The following GEMIN4 variants were observed in gnomAD, a reference collection of about 807,000 sequenced individuals.
The protein encoded by GEMIN4 is gem-associated protein 4.
GEMIN4 carries 59 observed loss-of-function variants against 76.8 expected under a neutral mutation model. The observed-to-expected ratio is 0.77, with a 90% CI of 0.62 to 0.95. The LOEUF is 0.95. Among genes scored for constraint, GEMIN4 ranks in the 40% least tolerant of loss-of-function variants. GEMIN4 has a pLI of 0.00. For synonymous variants in GEMIN4, 562 were observed against 559.7 expected (o/e 1.00, Z -0.06); for missense variants, 1,311 against 1,318.9 (o/e 0.99, Z 0.09).
In GEMIN4 at chr17:745,520, G is replaced by A. The variant is rs1423598135; in HGVS notation, c.2523C>T (p.Gly841=). ...TGAACAGTCTGACCTCCTCAGGATT[G>A]CCCACGTCCACCACCAAGAGAGACA... ...RMLSLLVVDV[G]NPEEVRLFSK... is the part of the protein sequence containing the mutation. The change falls in exon 2 of 2, where the codon GGC becomes GGT. Residue 841 remains glycine, a synonymous_variant. Coordinates refer to ENST00000319004, the MANE Select transcript of GEMIN4 (RefSeq NM_015721.3). The surrounding 1 kb of genome is among the most constrained non-coding windows in gnomAD (Gnocchi z 4.6). 1 of 1,611,898 alleles carries A rather than the reference G, an allele frequency of 6.2e-7. No individual in the cohort carries two copies. Among genetic ancestry groups the A allele is most frequent in the Admixed American group, 1.7e-5 (1 of 59,982 alleles).
rs902318115 is a variant in GEMIN4, at chr17:745,390, G to A, written c.2653C>T (p.Leu885Phe). ...TATTCCAGGCTATAAGGGACATGGAGGAGCTGCTTCTCCAGCAGTCTCCTG... is the reference window on the plus strand; with the variant it reads ...TATTCCAGGCTATAAGGGACATGGAAGAGCTGCTTCTCCAGCAGTCTCCTG... ...LTRRLLEKQL[L>F]HVPYSLEYIQ... The change falls in exon 2 of 2, where the codon CTC becomes TTC. Residue 885 changes from leucine (L) to phenylalanine (F), a missense_variant. Coordinates refer to ENST00000319004, the MANE Select transcript of GEMIN4 (RefSeq NM_015721.3). The surrounding 1 kb of genome is among the most constrained non-coding windows in gnomAD (Gnocchi z 4.6). 25 of 1,613,190 alleles carry A rather than the reference G, an allele frequency of 1.5e-5. No individual in the cohort carries two copies. Among genetic ancestry groups the A allele is most frequent in the Non-Finnish European group, 2.1e-5 (25 of 1,179,880 alleles).
At chr17:752,915 C>T (rs982056047), upstream of GEMIN4, 1 of 153,710 alleles carries the variant, frequency 6.5e-6, no homozygotes, top group East Asian at 1.9e-4. Context: ...CTGCGCGGCC[C>T]TCAAGCAGCT....
In GEMIN4 at chr17:744,792, T is replaced by C; in HGVS notation, c.*74A>G. ...CCTGCCATGTTGAAGCCCAGCTTTT[T>C]CGCTCCCGCACAGGTAAGAAGCTGC... On this transcript the variant is annotated 3_prime_UTR_variant, in exon 2 of 2. Coordinates refer to ENST00000319004, the MANE Select transcript of GEMIN4 (RefSeq NM_015721.3). 3 of 1,474,210 alleles carry C rather than the reference T, an allele frequency of 2.0e-6. No homozygotes were observed. The highest frequency in any genetic ancestry group is 1.4e-5 in the African/African-American group (1 of 71,370). The allele number at this position is 1,474,210 out of a possible 1,614,324, so 91.3% of individuals were successfully genotyped here.
chr17:744,867 C>A lies in GEMIN4; in HGVS notation c.3176G>T (p.Ter1059LeuextTer75), dbSNP rs766072309. 3 of 1,607,166 alleles carry A rather than the reference C, an allele frequency of 1.9e-6. No individual in the cohort carries two copies. In the South Asian group the frequency reaches 3.3e-5, roughly 18 times the overall value. Residue 1059 changes from the stop codon to leucine (L), a stop_lost, in exon 2 of 2, where the codon TGA becomes TTA. Coordinates refer to ENST00000319004, the MANE Select transcript of GEMIN4 (RefSeq NM_015721.3). ...TGGGGCCCAGCTCCCCACGCCAAGTCAGAAGCTGCTCATCTTCTGCAACAG... is the reference window on the plus strand; with the variant it reads ...TGGGGCCCAGCTCCCCACGCCAAGTAAGAAGCTGCTCATCTTCTGCAACAG... ...QTLLQKMSSF[*>L] is the part of the protein sequence containing the mutation.
At position 746,908 on chromosome 17, in the gene GEMIN4, G is replaced by A. The variant is rs763833922; in HGVS notation, c.1135C>T (p.Leu379=). 3.1e-6 allele frequency: 5 copies of A among 1,613,610 alleles called. No individual in the cohort carries two copies. In the East Asian group the frequency reaches 8.9e-5, roughly 29 times the overall value. ...AGGAAGTCCCTGACACACTCCGCCA[G>A]CTCAGAGACCACCTGCCTGTCCTCC... is the stretch of plus-strand genomic sequence containing the variant. ...SKEDRQVVSE[L]AECVRDFLRK... is the part of the protein sequence containing the mutation. The change falls in exon 2 of 2, where the codon CTG becomes TTG. Residue 379 remains leucine (L), a synonymous_variant. Coordinates refer to ENST00000319004, the MANE Select transcript of GEMIN4 (RefSeq NM_015721.3). The surrounding 1 kb of genome is among the most constrained non-coding windows in gnomAD (Gnocchi z 4.3).
Position 746,533 on chromosome 17 carries a change from G to A in GEMIN4, c.1510C>T (p.Arg504Cys), listed in dbSNP as rs1220134680. Residue 504 changes from arginine to cysteine, a missense_variant, in exon 2 of 2, where the codon CGT (arginine) becomes TGT (cysteine). Coordinates refer to ENST00000319004, the MANE Select transcript of GEMIN4 (RefSeq NM_015721.3). This position sits in a 1 kb window ranked among gnomAD's most constrained non-coding sequence, Gnocchi z 4.3. Reference sequence around the variant, plus strand: ...GAGAGGCCCTTTCGCCCCCAGGAACGCAGGATACCTGCAAGGACTTTATTT... The same window carrying A: ...GAGAGGCCCTTTCGCCCCCAGGAACACAGGATACCTGCAAGGACTTTATTT... ...GKNKVLAGIL[R>C]SWGRKGLSEK... 8 of 1,613,790 alleles carry A rather than the reference G, an allele frequency of 5.0e-6. No individual in the cohort carries two copies. The African/African-American group carries it at 5.3e-5, about 11-fold the overall frequency.
chr17:750,872 C>T (rs542661110), intron 1 of GEMIN4, among the ~76,000 whole-genome samples: 3 of 152,306 alleles, frequency 2.0e-5, no homozygotes, highest in South Asian at 2.1e-4. Context: ...GGTTACGCTG[C>T]GAAGGGGACC....
chr17:747,185 CT>C lies in GEMIN4; in HGVS notation c.857del (p.Gln286ArgfsTer8), dbSNP rs1974462214. 2 of 1,613,700 alleles carry C rather than the reference CT, an allele frequency of 1.2e-6. No individual in the cohort carries two copies. Among genetic ancestry groups the C allele is most frequent in the African/African-American group, 2.7e-5 (2 of 74,912 alleles). On this transcript the variant is annotated frameshift_variant, in exon 2 of 2. Transcript: ENST00000319004. LOFTEE classifies it high-confidence loss of function. The part of the protein sequence containing the change: ...WNSDTQNPYH[Q>X]QALAEKVKEA... ...CCTTCACCTTCTCTGCCAGCGCCTG[CT>C]GGTGGTAGGGATTCTGGGTGTCCGA...
rs1412410957 is a variant in GEMIN4 at position 746,374 on chromosome 17, G to C, written c.1669C>G (p.Pro557Ala). 6.2e-7 allele frequency: 1 copy of C among 1,613,798 alleles called. No homozygotes were observed. The highest frequency in any genetic ancestry group is 8.5e-7 in the Non-Finnish European group (1 of 1,179,872). The change falls in exon 2 of 2, where the codon CCG becomes GCG. Residue 557 changes from proline to alanine, a missense_variant. Transcript: ENST00000319004. This position sits in a 1 kb window ranked among gnomAD's most constrained non-coding sequence, Gnocchi z 4.3. ...CACATTTTCTTCACCGTGACTTCCG[G>C]GTGCACTATGACCAGGCGGGCCACG... ...ASVARLVIVH[P>A]EVTVKKMCSL...
rs188821606 is a variant in GEMIN4, at chr17:745,846, G to A, written c.2197C>T (p.Leu733=). 205 of 1,612,998 alleles carry A rather than the reference G, an allele frequency of 1.3e-4. No individual in the cohort carries two copies. In the African/African-American group the frequency reaches 2.4e-3, roughly 19 times the overall value. The change falls in exon 2 of 2, where the codon CTG becomes TTG. Residue 733 remains leucine, a synonymous_variant. Transcript: ENST00000319004. The surrounding 1 kb of genome is among the most constrained non-coding windows in gnomAD (Gnocchi z 4.6). Reference sequence around the variant, plus strand: ...GATACAATCTCACACAGGAGCTCCAGGATATGGATCGCTAGATCCTTCCTA... The same window carrying A: ...GATACAATCTCACACAGGAGCTCCAAGATATGGATCGCTAGATCCTTCCTA... The part of the protein sequence containing the change: ...LDRKDLAIHI[L]ELLCEIVSAN...
chr17:751,082 G>A (rs1904658167), intron 1 of GEMIN4, among the ~76,000 whole-genome samples: 1 of 152,156 alleles, frequency 6.6e-6, no homozygotes, highest in South Asian at 2.1e-4. Context: ...TTACTAGCTG[G>A]AAAATACTCC....
rs373103325 is a variant in GEMIN4, at chr17:748,039, A to G, written c.11-7T>C. ...TCACAGATGTTCAAGGGTCCTGCAC[A>G]CAGACAAGCCAAATAAGACAGTATA... On this transcript the variant is annotated splice_polypyrimidine_tract_variant and splice_region_variant and intron_variant, in intron 1 of 1. Coordinates refer to ENST00000319004, the MANE Select transcript of GEMIN4 (RefSeq NM_015721.3). The G allele has an allele frequency of 8.2e-6, 13 of 1,588,000 alleles. No homozygotes were observed. Among genetic ancestry groups the G allele is most frequent in the Non-Finnish European group, 9.4e-6 (11 of 1,167,310 alleles).
chr17:748,624 C>T (rs1904418826), intron 1 of GEMIN4: 1 of 214,020 alleles, frequency 4.7e-6, no homozygotes, highest in Non-Finnish European at 9.5e-6. Flanking sequence ...AGCTGAGCTT[C>T]TCATGACAGA....
In GEMIN4 at chr17:747,088, A is replaced by G; in HGVS notation, c.955T>C (p.Phe319Leu). ...CACTCCCGCAGCAGGTGGTGCAGGA[A>G]CTCGCAGCCCACGAAAATGGTCTCA... ...PSETIFVGCE[F>L]LHHLLREWGE... Residue 319 changes from phenylalanine to leucine, a missense_variant, in exon 2 of 2, where the codon TTC (phenylalanine) becomes CTC (leucine). Transcript: ENST00000319004. 6.2e-7 allele frequency: 1 copy of G among 1,613,524 alleles called. No homozygotes were observed. The highest frequency in any genetic ancestry group is 8.5e-7 in the Non-Finnish European group (1 of 1,179,826).
upstream of GEMIN4, among the ~76,000 whole-genome samples, chr17:752,440 G>A (rs1239650904): frequency 6.6e-6 from 1 of 152,104 alleles, no homozygotes; most frequent in Non-Finnish European, 1.5e-5. Context: ...CCTCTTCCGG[G>A]GTCCCAGCGG....
In GEMIN4 at chr17:747,423, G is replaced by A. The variant is rs535935731; in HGVS notation, c.620C>T (p.Pro207Leu). The A allele has an allele frequency of 6.2e-7, 1 of 1,613,858 alleles. No homozygotes were observed. Among genetic ancestry groups the A allele is most frequent in the East Asian group, 2.2e-5 (1 of 44,866 alleles). Residue 207 changes from proline (P) to leucine (L), a missense_variant, in exon 2 of 2, where the codon CCA becomes CTA. Pro to Leu is a moderately conservative substitution (Grantham distance 98). Around this residue, in one of 2 missense-constraint regions of GEMIN4, gnomAD observed 1,208 missense variants for 1,166.9 expected, o/e 1.04. Transcript: ENST00000319004. ...PHPPKRLRSDPDACPTMPLLA... is the reference protein window; with the variant it reads ...PHPPKRLRSDLDACPTMPLLA... ...CAGGGGCATGGTGGGGCACGCGTCTGGGTCTGACCTAAGCCTCTTTGGAGG... is the reference window on the plus strand; with the variant it reads ...CAGGGGCATGGTGGGGCACGCGTCTAGGTCTGACCTAAGCCTCTTTGGAGG...
rs1974371901 is a variant in GEMIN4 at position 745,687 on chromosome 17, C to A, written c.2356G>T (p.Val786Leu). The change falls in exon 2 of 2, where the codon GTG becomes TTG. Residue 786 changes from valine to leucine, a missense_variant. Val to Leu is a conservative substitution (Grantham distance 32). Transcript: ENST00000319004. This position sits in a 1 kb window ranked among gnomAD's most constrained non-coding sequence, Gnocchi z 4.6. ...SFFEGHFKCE[V>L]PATLFEICKL... ...CAGATCTCAAAAAGTGTGGCTGGCACTTCACACTTGAAGTGCCCCTCGAAG... is the reference window on the plus strand; with the variant it reads ...CAGATCTCAAAAAGTGTGGCTGGCAATTCACACTTGAAGTGCCCCTCGAAG... 6.3e-7 allele frequency: 1 copy of A among 1,596,856 alleles called. No individual in the cohort carries two copies. Among genetic ancestry groups the A allele is most frequent in the Non-Finnish European group, 8.5e-7 (1 of 1,172,186 alleles).
Position 746,213 on chromosome 17 carries a change from G to C in GEMIN4, c.1830C>G (p.Thr610=). The C allele has an allele frequency of 6.2e-7, 1 of 1,613,772 alleles. No individual in the cohort carries two copies. Among genetic ancestry groups the C allele is most frequent in the East Asian group, 2.2e-5 (1 of 44,878 alleles). The change falls in exon 2 of 2, where the codon ACC becomes ACG. Residue 610 remains threonine, a synonymous_variant. Coordinates refer to ENST00000319004, the MANE Select transcript of GEMIN4 (RefSeq NM_015721.3). This position sits in a 1 kb window ranked among gnomAD's most constrained non-coding sequence, Gnocchi z 4.3. The part of the protein sequence containing the change: ...ATFMVSCLKE[T]VWMKFSTPKE... ...TGGGTGTAGAGAACTTCATCCAGACGGTTTCTTTGAGGCATGACACCATGA... is the reference window on the plus strand; with the variant it reads ...TGGGTGTAGAGAACTTCATCCAGACCGTTTCTTTGAGGCATGACACCATGA...
chr17:752,729 C>G, upstream of GEMIN4: 1 of 580,120 alleles, frequency 1.7e-6, no homozygotes, highest in Non-Finnish European at 2.2e-6. Context: ...TGAGCCCAAA[C>G]ATGGTGGGGT....
Sources: gnomAD v4.1 joint callset for allele counts (sites outside exome capture counted in the v4.1 genomes callset) on GRCh38, gnomAD v4.1.1 for gene constraint, gnomAD v4.1.1 regional missense constraint, Gnocchi (gnomAD v3.1) non-coding constraint, MANE v1.5 for transcripts, NCBI Gene and HGNC (gene_info 2026-07-23, HGNC 2026-07-21) for gene names.